BAG2: variants seen among roughly 807,000 people sequenced by gnomAD.
BAG2 encodes the protein BAG family molecular chaperone regulator 2.
In BAG2, 8 loss-of-function variants were observed where a neutral mutation model predicts 16.4. The observed-to-expected ratio is 0.49, with a 90% confidence interval of 0.29 to 0.88. The LOEUF is 0.88. Among genes scored for constraint, BAG2 ranks in the 40% least tolerant of loss-of-function variants. BAG2 has a pLI of 0.09. For synonymous variants in BAG2, 82 were observed against 89.2 expected (o/e 0.92, Z 0.46); for missense variants, 218 against 248.9 (o/e 0.88, Z 0.84).
intron 2 of BAG2, among the ~76,000 whole-genome samples, chr6:57,183,490 A>T (rs1764531247): frequency 6.6e-6 from 1 of 152,200 alleles, no homozygotes; most frequent in Non-Finnish European, 1.5e-5. Context: ...CAGTGTTAAG[A>T]CTTGATCTCC....
At chr6:57,177,627 A>T (rs1364554456) in intron 1 of BAG2, among the ~76,000 whole-genome samples, 1 of 151,986 alleles carries the variant, frequency 6.6e-6, no homozygotes, top group African/African-American at 2.4e-5. Context: ...TGTGTGTGTA[A>T]TTTTTTTAGT....
intron 1 of BAG2, among the ~76,000 whole-genome samples, chr6:57,180,574 G>A (rs140020719): frequency 1.3e-5 from 2 of 152,156 alleles, no homozygotes; most frequent in Non-Finnish European, 2.9e-5. Flanking sequence ...AATAATGTTG[G>A]GGAAAATGGC....
chr6:57,183,011 A>G (rs1303732144), intron 2 of BAG2, among the ~76,000 whole-genome samples: 1 of 152,144 alleles, frequency 6.6e-6, no homozygotes, highest in Non-Finnish European at 1.5e-5. Flanking sequence ...ATTTTCTTTT[A>G]TTGGCACTGG....
chr6:57,180,637 T>A (rs947288402), intron 1 of BAG2, among the ~76,000 whole-genome samples: 1 of 152,048 alleles, frequency 6.6e-6, no homozygotes, highest in African/African-American at 2.4e-5. Flanking sequence ...CAGGGGTTGA[T>A]GCTAGGTGGA....
chr6:57,174,622 T>G (rs1262884149), intron 1 of BAG2, among the ~76,000 whole-genome samples: 1 of 152,180 alleles, frequency 6.6e-6, no homozygotes, highest in Non-Finnish European at 1.5e-5. Context: ...GTAGGCCTTT[T>G]TTCTTCTTTT....
At chr6:57,180,262 G>C (rs758565045) in intron 1 of BAG2, among the ~76,000 whole-genome samples, 6 of 152,146 alleles carry the variant, frequency 3.9e-5, no homozygotes, top group African/African-American at 7.2e-5. Flanking sequence ...TTTAAACAGA[G>C]AGATGTTATA....
At chr6:57,174,622 T>C (rs1262884149) in intron 1 of BAG2, among the ~76,000 whole-genome samples, 1 of 152,180 alleles carries the variant, frequency 6.6e-6, no homozygotes, top group Admixed American at 6.5e-5. Context: ...GTAGGCCTTT[T>C]TTCTTCTTTT....
rs1764544295 is a variant in BAG2, at chr6:57,183,845, A to G, written c.291A>G (p.Ser97=). The G allele has an allele frequency of 4.3e-6, 7 of 1,613,764 alleles. No homozygotes were observed. The highest frequency in any genetic ancestry group is 5.9e-6 in the Non-Finnish European group (7 of 1,179,880). Residue 97 remains serine, a synonymous_variant, in exon 3 of 3, where the codon TCA becomes TCG. Transcript: ENST00000370693. ...GAAGAACTCTCACCGTTGAAGTGTC[A>G]GTAGAAACAATTAGAAACCCCCAGC... ...LMGRTLTVEV[S]VETIRNPQQQ...
chr6:57,179,226 A>G (rs1299045570), intron 1 of BAG2, among the ~76,000 whole-genome samples: 3 of 152,208 alleles, frequency 2.0e-5, no homozygotes, highest in Admixed American at 6.5e-5. Context: ...TAAATACTGA[A>G]TGGTCCTGGA....
chr6:57,178,925 G>A lies in BAG2; in HGVS notation c.114-3107G>A, dbSNP rs116961235. ...ATGTCTTTTTTATCTATTTTGTTAA[G>A]AACATGAACTTACTGCTGTAACTCA... On this transcript the variant is annotated intron_variant, in intron 1 of 2. Transcript: ENST00000370693. Among the ~76,000 whole-genome samples the A allele has an allele frequency of 1.1e-3, 165 of 152,226 alleles. 1 individual carries two copies. In the East Asian group the frequency reaches 0.029, roughly 27 times the overall value.
chr6:57,177,630 T>G (rs1286714608), intron 1 of BAG2, among the ~76,000 whole-genome samples: 1 of 152,188 alleles, frequency 6.6e-6, no homozygotes, highest in Admixed American at 6.5e-5. Flanking sequence ...GTGTGTAATT[T>G]TTTTAGTCAG....
At chr6:57,180,374 T>C (rs1378892767) in intron 1 of BAG2, among the ~76,000 whole-genome samples, 2 of 152,010 alleles carry the variant, frequency 1.3e-5, no homozygotes. Context: ...AGCTAAGTTA[T>C]CTTTAAAGAA....
intron 1 of BAG2, among the ~76,000 whole-genome samples, chr6:57,181,810 A>G (rs1395637047): frequency 6.6e-6 from 1 of 152,250 alleles, no homozygotes; most frequent in African/African-American, 2.4e-5. Context: ...AACAAATAGT[A>G]TTAATTAGAT....
chr6:57,188,528 G>A lies in BAG2; in HGVS notation c.*4338G>A, dbSNP rs1293561931. The A allele has an allele frequency of 6.6e-6, 1 of 152,018 alleles. No homozygotes were observed. Among genetic ancestry groups the A allele is most frequent in the East Asian group, 1.9e-4 (1 of 5,192 alleles). 9.4% of individuals were successfully genotyped at this position (152,018 alleles called of 1,614,324 possible). A position where few individuals can be genotyped will look rare whatever the true frequency, so the allele number is the denominator to read the frequency against. On this transcript the variant is annotated 3_prime_UTR_variant, in exon 3 of 3. Coordinates refer to ENST00000370693, the MANE Select transcript of BAG2 (RefSeq NM_004282.4). The stretch of plus-strand genomic sequence containing the variant: ...AACAAGTGATTTTTCTGCCAATAAA[G>A]ACAAAAGACTATTTGTTGCAAAGTA...
At chr6:57,174,354 C>A (rs1012046937) in intron 1 of BAG2, 1 of 1,304,124 alleles carries the variant, frequency 7.7e-7, no homozygotes, top group African/African-American at 1.5e-5. Flanking sequence ...TTCCTTCAAG[C>A]TGAGTCATTG....
rs1053647618 is a variant in BAG2, at chr6:57,187,043, G to T, written c.*2853G>T. ...CTGATTATTGGAATTCATCCTTCAT[G>T]AAATTTTTAGAGTAGTGTTTTAAAT... On this transcript the variant is annotated 3_prime_UTR_variant, in exon 3 of 3. Transcript: ENST00000370693. 1 of 152,122 alleles carries T rather than the reference G, an allele frequency of 6.6e-6. No individual in the cohort carries two copies. The highest frequency in any genetic ancestry group is 1.5e-5 in the Non-Finnish European group (1 of 68,006). 9.4% of individuals were successfully genotyped at this position (152,122 alleles called of 1,614,324 possible). A position where few individuals can be genotyped will look rare whatever the true frequency, so the allele number is the denominator to read the frequency against.
intron 1 of BAG2, chr6:57,174,249 T>C: frequency 8.0e-7 from 1 of 1,248,100 alleles, no homozygotes; most frequent in Non-Finnish European, 1.0e-6. Context: ...CTTCAGAACG[T>C]TGAGGGCATG....
chr6:57,177,113 G>A (rs1049701664), intron 1 of BAG2, among the ~76,000 whole-genome samples: 1 of 152,148 alleles, frequency 6.6e-6, no homozygotes, highest in African/African-American at 2.4e-5. Flanking sequence ...ACAGAACTAT[G>A]AGTTTTAAGA....
chr6:57,182,530 CAAA>C (rs758049333), intron 2 of BAG2, among the ~76,000 whole-genome samples: 6 of 41,602 alleles, frequency 1.4e-4, no homozygotes, highest in African/African-American at 2.4e-4. Context: ...AAGTAGAGAC[CAAA>C]AAAAAAAAAA....
Sources: allele counts gnomAD v4.1 joint callset (sites outside exome capture counted in the v4.1 genomes callset), GRCh38; gene constraint gnomAD v4.1.1; transcripts MANE v1.5; gene names NCBI Gene and HGNC (gene_info 2026-07-23, HGNC 2026-07-21).